The following PREX2 variants were observed in gnomAD, a reference collection of about 807,000 sequenced individuals.
The protein encoded by PREX2 is phosphatidylinositol 3,4,5-trisphosphate-dependent Rac exchanger 2 protein.
In PREX2, 107 loss-of-function variants were observed where a neutral mutation model predicts 203.2. The ratio of observed to expected loss-of-function variants is 0.53; its 90% confidence interval spans 0.45 to 0.62. The LOEUF is 0.62. Among genes scored for constraint, PREX2 ranks in the 20% least tolerant of loss-of-function variants. The pLI, the probability that PREX2 is intolerant of heterozygous loss-of-function variation, is 0.00. For synonymous variants in PREX2, 672 were observed against 663.6 expected, an observed-to-expected ratio of 1.01 and a Z score of -0.19; for missense variants, 1,777 against 1,955.9, an observed-to-expected ratio of 0.91 and a Z score of 1.72.
intron 35 of PREX2, among the ~76,000 whole-genome samples, chr8:68,169,826 A>G (rs1005065797): frequency 5.9e-5 from 9 of 152,284 alleles, no homozygotes; most frequent in Admixed American, 4.6e-4. Flanking sequence ...ATTCCGTTCC[A>G]TCAGGTATTT....
chr8:68,176,843 T>C (rs1811989111), intron 35 of PREX2: 1 of 152,134 alleles, frequency 6.6e-6, no homozygotes, highest in South Asian at 2.1e-4. Context: ...GTAACTTGCA[T>C]GAAATAGCTA....
intron 1 of PREX2, among the ~76,000 whole-genome samples, chr8:68,002,237 T>C (rs1375565168): frequency 6.6e-6 from 1 of 151,274 alleles, no homozygotes; most frequent in Admixed American, 6.6e-5. Flanking sequence ...AACTTGCACC[T>C]CCTAGGTTCA....
chr8:68,179,455 C>T (rs2129614405), intron 35 of PREX2, among the ~76,000 whole-genome samples: 1 of 152,014 alleles, frequency 6.6e-6, no homozygotes, highest in South Asian at 2.1e-4. Context: ...AGAGGGAGAG[C>T]AAGTTTGCTT....
chr8:67,975,147 A>G (rs1353041146), intron 1 of PREX2, among the ~76,000 whole-genome samples: 3 of 151,446 alleles, frequency 2.0e-5, no homozygotes, highest in Non-Finnish European at 2.9e-5. Context: ...CTTTCTCAAA[A>G]CTGTAGCTCA....
chr8:68,179,842 T>G (rs1269209688), intron 35 of PREX2, among the ~76,000 whole-genome samples: 1 of 152,204 alleles, frequency 6.6e-6, no homozygotes, highest in Non-Finnish European at 1.5e-5. Context: ...TTTCTATTGT[T>G]GAATGCCACA....
chr8:68,224,686 T>C, intron 39 of PREX2, 60 bp downstream of exon 39: 2 of 1,284,572 alleles, frequency 1.6e-6, no homozygotes, highest in South Asian at 2.4e-5. Context: ...TCCCCGGCAG[T>C]GTCCCTCCGC....
chr8:68,114,821 A>G lies in PREX2; in HGVS notation c.3147-932A>G, dbSNP rs567046563. Reference sequence around the variant, plus strand: ...TTTGTACGAGCAGGGAGACGGATAGACAATCCAATATTCTCCCTGCCAAAT... The same window carrying G: ...TTTGTACGAGCAGGGAGACGGATAGGCAATCCAATATTCTCCCTGCCAAAT... On this transcript the variant is annotated intron_variant, in intron 25 of 39. Transcript: ENST00000288368. 1.3e-4 allele frequency among the ~76,000 whole-genome samples: 20 copies of G among 152,252 alleles called. No homozygotes were observed. In the South Asian group the frequency reaches 2.3e-3, roughly 17 times the overall value.
chr8:68,120,522 G>A (rs1810750291), intron 29 of PREX2, among the ~76,000 whole-genome samples: 1 of 152,114 alleles, frequency 6.6e-6, no homozygotes, highest in South Asian at 2.1e-4. Context: ...TAGGGGCCAG[G>A]CTGAGCAAAA....
chr8:68,093,809 C>A (rs371366967), intron 21 of PREX2, 87 bp downstream of exon 21: 2 of 605,414 alleles, frequency 3.3e-6, no homozygotes, highest in Non-Finnish European at 5.8e-6. Context: ...AGGTCCTGTA[C>A]ATGTTGAAGC....
intron 1 of PREX2, among the ~76,000 whole-genome samples, chr8:67,998,600 C>T: frequency 6.6e-6 from 1 of 152,048 alleles, no homozygotes; most frequent in East Asian, 1.9e-4. Context: ...GACAGTGTCT[C>T]TAGAAAAAAA....
At position 68,083,373 on chromosome 8, in the gene PREX2, G is replaced by T; in HGVS notation, c.2012G>T (p.Ser671Ile). The part of the protein sequence containing the change: ...NSRKPLRVLV[S>I]TKPRETVKIP... ...AGAAAACCTCTAAGAGTTCTTGTGAGCACAAAGCCAAGAGAGTAAGTTGTA... is the reference window on the plus strand; with the variant it reads ...AGAAAACCTCTAAGAGTTCTTGTGATCACAAAGCCAAGAGAGTAAGTTGTA... Residue 671 changes from serine (S) to isoleucine (I), a missense_variant, in exon 18 of 40, where the codon AGC (serine) becomes ATC (isoleucine). Physicochemically the swap from Ser to Ile is moderately radical, Grantham distance 142. Coordinates refer to ENST00000288368, the MANE Select transcript of PREX2 (RefSeq NM_024870.4). 6.2e-7 allele frequency: 1 copy of T among 1,607,584 alleles called. No homozygotes were observed. The highest frequency in any genetic ancestry group is 1.1e-5 in the South Asian group (1 of 89,926).
intron 39 of PREX2, among the ~76,000 whole-genome samples, chr8:68,228,547 G>A (rs535648811): frequency 7.2e-5 from 11 of 152,118 alleles, no homozygotes; most frequent in East Asian, 5.8e-4. Context: ...CGGATCATGC[G>A]GTCAGGAGAT....
chr8:67,975,705 T>G (rs1806060530), intron 1 of PREX2, among the ~76,000 whole-genome samples: 1 of 115,616 alleles, frequency 8.6e-6, no homozygotes, highest in African/African-American at 3.4e-5. Context: ...TTTTTTTTTT[T>G]TTTTTTTTTT....
rs58916146 is a variant in PREX2 at position 67,999,478 on chromosome 8, C to CAAAAAAAAAAAAAAAAAAAAA, written c.142-18351_142-18350insAAAAAAAAAAAAAAAAAAAAA. On this transcript the variant is annotated intron_variant, in intron 1 of 39. Coordinates refer to ENST00000288368, the MANE Select transcript of PREX2 (RefSeq NM_024870.4). ...AATCAGTAATAAATAGCCAACAAAC[C>CAAAAAAAAAAAAAAAAAAAAA]AAAAAAAAAAAAAAAAAGCCCAGAA... 2.2e-5 allele frequency among the ~76,000 whole-genome samples: 2 copies of CAAAAAAAAAAAAAAAAAAAAA among 92,092 alleles called. 1 individual carries two copies. 60.4% of individuals were successfully genotyped at this position (92,092 alleles called of 152,430 possible).
intron 7 of PREX2, among the ~76,000 whole-genome samples, chr8:68,043,674 C>T (rs910548074): frequency 1.3e-5 from 2 of 151,940 alleles, no homozygotes; most frequent in African/African-American, 4.8e-5. Flanking sequence ...ATTTTTTAAT[C>T]CCCTTGAATC....
In PREX2 at chr8:68,028,091, G is replaced by A. The variant is rs1331529210; in HGVS notation, c.543+768G>A. ...AAATCCCAAGTATTGTGCTTACAGG[G>A]CATGTAATCGAACCTCTTAATGCCT... On this transcript the variant is annotated intron_variant, in intron 5 of 39. Coordinates refer to ENST00000288368, the MANE Select transcript of PREX2 (RefSeq NM_024870.4). Among the ~76,000 whole-genome samples the A allele has an allele frequency of 2.0e-5, 3 of 152,032 alleles. No homozygotes were observed. The East Asian group carries it at 5.8e-4, about 29-fold the overall frequency.
chr8:68,147,110 G>A (rs998259461), intron 34 of PREX2, among the ~76,000 whole-genome samples: 3 of 152,080 alleles, frequency 2.0e-5, no homozygotes, highest in Non-Finnish European at 2.9e-5. Context: ...TCACAAGATT[G>A]TATCAGTTTC....
intron 31 of PREX2, among the ~76,000 whole-genome samples, chr8:68,133,108 G>A (rs1183634326): frequency 6.6e-6 from 1 of 152,176 alleles, no homozygotes; most frequent in Non-Finnish European, 1.5e-5. Context: ...AAGGCAGAAG[G>A]GGAAGGAGGC....
chr8:68,090,517 T>G, intron 19 of PREX2, 62 bp from the exon 20 acceptor site: 1 of 1,425,910 alleles, frequency 7.0e-7, no homozygotes, highest in Non-Finnish European at 9.8e-7. Context: ...ATTGTATATA[T>G]CATACAAATG....
Sources: gnomAD v4.1 joint callset for allele counts (sites outside exome capture counted in the v4.1 genomes callset) on GRCh38, gnomAD v4.1.1 for gene constraint, MANE v1.5 for transcripts, NCBI Gene and HGNC (gene_info 2026-07-23, HGNC 2026-07-21) for gene names.